FOXO1: variants seen among roughly 807,000 people sequenced by gnomAD.
The protein encoded by FOXO1 is forkhead box O1.
FOXO1 carries 6 observed loss-of-function variants against 44.1 expected under a neutral mutation model. That is an observed-to-expected ratio of 0.14 (90% CI 0.07 to 0.27). The LOEUF is 0.27. Ranked by LOEUF, FOXO1 falls within the 10% of genes least tolerant of loss-of-function variation. The pLI, the probability that FOXO1 is intolerant of heterozygous loss-of-function variation, is 1.00. For missense variants in FOXO1, 737 were observed against 888.8 expected (o/e 0.83, Z 2.17); for synonymous variants, 380 against 362.7 (o/e 1.05, Z -0.54).
chr13:40,642,696 A>C (rs1204466287), intron 1 of FOXO1, among the ~76,000 whole-genome samples: 5 of 152,156 alleles, frequency 3.3e-5, no homozygotes, highest in Non-Finnish European at 1.5e-5. Flanking sequence ...AGGCAGGTAG[A>C]TTGCCTGAGC....
chr13:40,650,831 T>A (rs1877656779), intron 1 of FOXO1, among the ~76,000 whole-genome samples: 1 of 152,216 alleles, frequency 6.6e-6, no homozygotes, highest in Non-Finnish European at 1.5e-5. Flanking sequence ...CTTGGCTCAC[T>A]GCAACCTCTG....
intron 1 of FOXO1, chr13:40,618,743 T>A: frequency 2.3e-6 from 1 of 439,224 alleles, no homozygotes; most frequent in South Asian, 1.8e-5. Context: ...TCAGGATGAA[T>A]CAGTCTAGAT....
At chr13:40,638,971 A>G (rs1370268206) in intron 1 of FOXO1, among the ~76,000 whole-genome samples, 1 of 152,186 alleles carries the variant, frequency 6.6e-6, no homozygotes, top group Non-Finnish European at 1.5e-5. Context: ...ATGCGGGTGG[A>G]TCACCTGACG....
chr13:40,661,062 C>T (rs1036186257), intron 1 of FOXO1, among the ~76,000 whole-genome samples: 1 of 152,108 alleles, frequency 6.6e-6, no homozygotes, highest in African/African-American at 2.4e-5. Context: ...CAAAACCATG[C>T]GTAAAAAGTA....
rs1382776691 is a variant in FOXO1 at position 40,558,679 on chromosome 13, A to C, written c.*370T>G. 1 of 396,980 alleles carries C rather than the reference A, an allele frequency of 2.5e-6. No homozygotes were observed. The highest frequency in any genetic ancestry group is 4.4e-6 in the Non-Finnish European group (1 of 225,286). The allele number at this position is 396,980 out of a possible 1,614,324, so 24.6% of individuals were successfully genotyped here. On this transcript the variant is annotated 3_prime_UTR_variant, in exon 3 of 3. Coordinates refer to ENST00000379561, the MANE Select transcript of FOXO1 (RefSeq NM_002015.4). ...CCAATTGGATATTTAGAAAAACCAA[A>C]AACACACACAAATACAATCTGTATC...
chr13:40,641,558 C>T (rs1445825233), intron 1 of FOXO1, among the ~76,000 whole-genome samples: 3 of 152,026 alleles, frequency 2.0e-5, no homozygotes, highest in African/African-American at 7.2e-5. Context: ...GATTATTTAG[C>T]CGTTAATTTT....
At chr13:40,615,528 AATACATAC>A (rs56390235) in intron 1 of FOXO1, among the ~76,000 whole-genome samples, 25,316 of 139,620 alleles carry the variant, frequency 0.18, 3,008 homozygotes, top group East Asian at 0.58. Flanking sequence ...CTCCATCTCA[AATACATAC>A]ATACATACAT....
In FOXO1 at chr13:40,566,518, A is replaced by G. The variant is rs914911124; in HGVS notation, c.631-5658T>C. On this transcript the variant is annotated intron_variant, in intron 1 of 2. Transcript: ENST00000379561. Reference sequence around the variant, plus strand: ...CTCAGCCTCCTGAGTAGCTGGGATTACAGTCACCTGTCACCACGCCTGGCT... The same window carrying G: ...CTCAGCCTCCTGAGTAGCTGGGATTGCAGTCACCTGTCACCACGCCTGGCT... Among the ~76,000 whole-genome samples the G allele has an allele frequency of 6.6e-5, 10 of 151,998 alleles. No homozygotes were observed. In the East Asian group the frequency reaches 7.8e-4, roughly 12 times the overall value.
At chr13:40,655,268 T>G (rs1877818940) in intron 1 of FOXO1, among the ~76,000 whole-genome samples, 1 of 150,864 alleles carries the variant, frequency 6.6e-6, no homozygotes, top group Admixed American at 6.6e-5. Flanking sequence ...GAGAATCGCT[T>G]GAACCTGGGA....
chr13:40,609,646 T>C (rs1268824199), intron 1 of FOXO1, among the ~76,000 whole-genome samples: 1 of 152,174 alleles, frequency 6.6e-6, no homozygotes, highest in African/African-American at 2.4e-5. Flanking sequence ...AGAATAGCAC[T>C]GTCTTCAAGG....
intron 1 of FOXO1, among the ~76,000 whole-genome samples, chr13:40,582,029 G>A (rs1484688342): frequency 2.0e-5 from 3 of 152,112 alleles, no homozygotes; most frequent in Non-Finnish European, 4.4e-5. Context: ...TAGAATATGG[G>A]TACTAATTAT....
intron 1 of FOXO1, among the ~76,000 whole-genome samples, chr13:40,587,246 G>C (rs1309705510): frequency 6.9e-6 from 1 of 145,712 alleles, no homozygotes; most frequent in Non-Finnish European, 1.5e-5. Flanking sequence ...TCCTCTGCCT[G>C]AGAAGGGCTC....
At chr13:40,658,880 T>C (rs1268770136) in intron 1 of FOXO1, among the ~76,000 whole-genome samples, 2 of 151,710 alleles carry the variant, frequency 1.3e-5, no homozygotes, top group Non-Finnish European at 2.9e-5. Flanking sequence ...GGCGTGGTGG[T>C]GGGCGCCTGT....
At chr13:40,646,450 G>A (rs1349591470) in intron 1 of FOXO1, among the ~76,000 whole-genome samples, 1 of 151,976 alleles carries the variant, frequency 6.6e-6, no homozygotes, top group Non-Finnish European at 1.5e-5. Flanking sequence ...CAAAGTGCTG[G>A]GATTACAAGT....
chr13:40,654,322 TAAAAAAAAA>T (rs11344939), intron 1 of FOXO1, among the ~76,000 whole-genome samples: 21 of 48,198 alleles, frequency 4.4e-4, no homozygotes, highest in Middle Eastern at 0.013. Flanking sequence ...CTAAAAATAC[TAAAAAAAAA>T]AAAAAAAAAA....
rs541770551 is a variant in FOXO1, at chr13:40,656,855, G to A, written c.630+8728C>T. 2.2e-4 allele frequency among the ~76,000 whole-genome samples: 32 copies of A among 148,180 alleles called. 1 individual carries two copies. The South Asian group carries it at 6.3e-3, about 29-fold the overall frequency. Reference sequence around the variant, plus strand: ...GAAATTTTTTTTTTTTTTTGAGACCGAGTCTCTCTCTGTCGCCCAGGCTGG... The same window carrying A: ...GAAATTTTTTTTTTTTTTTGAGACCAAGTCTCTCTCTGTCGCCCAGGCTGG... On this transcript the variant is annotated intron_variant, in intron 1 of 2. Coordinates refer to ENST00000379561, the MANE Select transcript of FOXO1 (RefSeq NM_002015.4).
chr13:40,624,613 C>T (rs1197487207), intron 1 of FOXO1, among the ~76,000 whole-genome samples: 1 of 152,162 alleles, frequency 6.6e-6, no homozygotes, highest in African/African-American at 2.4e-5. Flanking sequence ...AGCCAGGCAA[C>T]TTGGCGGGGG....
rs566583313 is a variant in FOXO1 at position 40,557,879 on chromosome 13, T to C, written c.*1170A>G. The C allele has an allele frequency of 6.6e-6, 1 of 152,352 alleles. No homozygotes were observed. Among genetic ancestry groups the C allele is most frequent in the South Asian group, 2.1e-4 (1 of 4,828 alleles). The allele number at this position is 152,352 out of a possible 1,614,324, so 9.4% of individuals were successfully genotyped here. A position where few individuals can be genotyped will look rare whatever the true frequency, so the allele number is the denominator to read the frequency against. ...GACTACAGAGGTCTCTAGAGAAGAC[T>C]TGATGCTATGCAGTACGCATAGTTC... On this transcript the variant is annotated 3_prime_UTR_variant, in exon 3 of 3. Transcript: ENST00000379561.
At chr13:40,622,608 A>C (rs1452346503) in intron 1 of FOXO1, among the ~76,000 whole-genome samples, 1 of 152,112 alleles carries the variant, frequency 6.6e-6, no homozygotes, top group East Asian at 1.9e-4. Flanking sequence ...AAAATCACCA[A>C]GCCTCCTGCC....
Sources: gnomAD v4.1 joint callset for allele counts (sites outside exome capture counted in the v4.1 genomes callset) on GRCh38, gnomAD v4.1.1 for gene constraint, MANE v1.5 for transcripts, NCBI Gene and HGNC (gene_info 2026-07-23, HGNC 2026-07-21) for gene names.